The following GREM2 variants were observed in gnomAD, a reference collection of about 807,000 sequenced individuals.
GREM2 encodes gremlin 2, DAN family BMP antagonist.
In GREM2, 11 loss-of-function variants were observed where a neutral mutation model predicts 14.2. That is an observed-to-expected ratio of 0.78 (90% confidence interval 0.49 to 1.28). The LOEUF (loss-of-function observed/expected upper bound fraction) is 1.28. GREM2 is among the 50% of genes most tolerant of loss of function. The probability of loss-of-function intolerance (pLI) is 0.00; values close to 1 mark genes in which losing one functional copy is unlikely to be tolerated. For missense variants in GREM2, 210 were observed against 218.5 expected (o/e 0.96, Z 0.24); for synonymous variants, 98 against 97.6 (o/e 1.00, Z -0.02).
chr1:240,552,669 C>T (rs1201245058), intron 1 of GREM2, among the ~76,000 whole-genome samples: 1 of 152,170 alleles, frequency 6.6e-6, no homozygotes, highest in Admixed American at 6.5e-5. Context: ...GTCTTGCAGA[C>T]CTGCTGTCTA....
intron 1 of GREM2, among the ~76,000 whole-genome samples, chr1:240,587,004 C>T: frequency 6.6e-6 from 1 of 152,134 alleles, no homozygotes; most frequent in Admixed American, 6.6e-5. Context: ...ACATTATAGA[C>T]ATTTCTGGAT....
chr1:240,510,226 C>G (rs977522489), intron 1 of GREM2, among the ~76,000 whole-genome samples: 1 of 151,672 alleles, frequency 6.6e-6, no homozygotes, highest in East Asian at 1.9e-4. Flanking sequence ...AGAAATGAGC[C>G]GGGCGTGGTG....
At chr1:240,582,853 CA>C (rs1679517433) in intron 1 of GREM2, among the ~76,000 whole-genome samples, 1 of 151,022 alleles carries the variant, frequency 6.6e-6, no homozygotes, top group Non-Finnish European at 1.5e-5. Flanking sequence ...ATCCAAGGAA[CA>C]AAATTTTTTT....
chr1:240,521,344 G>T (rs940931384), intron 1 of GREM2, among the ~76,000 whole-genome samples: 3 of 152,046 alleles, frequency 2.0e-5, no homozygotes, highest in Admixed American at 6.5e-5. Context: ...CGAAGTGGGC[G>T]GATCACGAGG....
intron 1 of GREM2, among the ~76,000 whole-genome samples, chr1:240,594,819 A>G (rs1296155545): frequency 1.3e-5 from 2 of 152,134 alleles, no homozygotes; most frequent in East Asian, 1.9e-4. Context: ...CGAGCATCAT[A>G]GAGCATACTT....
In GREM2 at chr1:240,498,766, C is replaced by CA. The variant is rs540230116; in HGVS notation, c.-1-5291dup. ...ATGTTGCCACCCCTGCCGGTAACGACAGCACGAGGATACTTCATTTTATTC... is the reference window on the plus strand; with the variant it reads ...ATGTTGCCACCCCTGCCGGTAACGACAAGCACGAGGATACTTCATTTTATTC... On this transcript the variant is annotated intron_variant, in intron 1 of 1. Transcript: ENST00000318160. Among the ~76,000 whole-genome samples the CA allele has an allele frequency of 7.7e-4, 118 of 152,374 alleles. 2 individuals carry two copies. In the South Asian group the frequency reaches 0.022, roughly 29 times the overall value.
chr1:240,497,650 A>G (rs12133912), intron 1 of GREM2, among the ~76,000 whole-genome samples: 42,974 of 141,240 alleles, frequency 0.3, 7,570 homozygotes, highest in East Asian at 0.44. Context: ...AGAAAAAAAA[A>G]GTTTTTTTTT....
At chr1:240,565,213 A>G (rs1277578608) in intron 1 of GREM2, among the ~76,000 whole-genome samples, 1 of 152,164 alleles carries the variant, frequency 6.6e-6, no homozygotes, top group African/African-American at 2.4e-5. Flanking sequence ...TATCATTATT[A>G]CACCTTTTCT....
At chr1:240,573,925 G>C (rs1356886503) in intron 1 of GREM2, among the ~76,000 whole-genome samples, 2 of 151,960 alleles carry the variant, frequency 1.3e-5, no homozygotes, top group African/African-American at 4.8e-5. Context: ...AGATAGGTTT[G>C]TTTTGTTTTG....
At chr1:240,547,896 A>G (rs1204925455) in intron 1 of GREM2, among the ~76,000 whole-genome samples, 1 of 152,040 alleles carries the variant, frequency 6.6e-6, no homozygotes, top group African/African-American at 2.4e-5. Flanking sequence ...AAGTAAATGC[A>G]TGAGAGAATA....
At chr1:240,554,625 T>A (rs958769587) in intron 1 of GREM2, among the ~76,000 whole-genome samples, 1 of 152,202 alleles carries the variant, frequency 6.6e-6, no homozygotes, top group Non-Finnish European at 1.5e-5. Flanking sequence ...CCAGCAATTA[T>A]TAAATCGTTA....
intron 1 of GREM2, among the ~76,000 whole-genome samples, chr1:240,605,024 T>C (rs1679999551): frequency 6.6e-6 from 1 of 152,202 alleles, no homozygotes; most frequent in African/African-American, 2.4e-5. Context: ...CTCCTTCCTT[T>C]GTTCTCCTCT....
intron 1 of GREM2, among the ~76,000 whole-genome samples, chr1:240,598,230 C>T (rs1176201606): frequency 1.3e-5 from 2 of 152,158 alleles, no homozygotes; most frequent in Admixed American, 6.5e-5. Context: ...TTCTTGTTGT[C>T]GTTAAAGGGA....
rs557047842 is a variant in GREM2 at position 240,520,448 on chromosome 1, T to C, written c.-1-26972A>G. On this transcript the variant is annotated intron_variant, in intron 1 of 1. Coordinates refer to ENST00000318160, the MANE Select transcript of GREM2 (RefSeq NM_022469.4). ...AGTGTGAGTGGACTCTGCTCATAGA[T>C]AAGTTACCTTGAGGAACAAGACTGA... is the stretch of plus-strand genomic sequence containing the variant. 2.0e-5 allele frequency among the ~76,000 whole-genome samples: 3 copies of C among 152,384 alleles called. No homozygotes were observed. The East Asian group carries it at 5.8e-4, about 29-fold the overall frequency.
At chr1:240,529,370 T>C (rs1234080177) in intron 1 of GREM2, among the ~76,000 whole-genome samples, 1 of 151,968 alleles carries the variant, frequency 6.6e-6, no homozygotes, top group Non-Finnish European at 1.5e-5. Context: ...TTGGAACCAT[T>C]TGAATGAACA....
chr1:240,525,784 C>T lies in GREM2; in HGVS notation c.-1-32308G>A, dbSNP rs552957554. Among the ~76,000 whole-genome samples, 6 of 152,276 alleles carry T rather than the reference C, an allele frequency of 3.9e-5. No individual in the cohort carries two copies. The South Asian group carries it at 1.2e-3, about 32-fold the overall frequency. ...GTGAGCCACCGCGCCCAGTTCTAAT[C>T]TTACTATCTTAGAGTTCTGTCGGTT... On this transcript the variant is annotated intron_variant, in intron 1 of 1. Transcript: ENST00000318160.
At chr1:240,500,836 C>T (rs895421992) in intron 1 of GREM2, among the ~76,000 whole-genome samples, 15 of 152,126 alleles carry the variant, frequency 9.9e-5, no homozygotes, top group Non-Finnish European at 1.9e-4. Flanking sequence ...TTTATTTATG[C>T]CCATCTGTTA....
chr1:240,494,895 C>T (rs368218845), intron 1 of GREM2, among the ~76,000 whole-genome samples: 63 of 151,804 alleles, frequency 4.2e-4, no homozygotes, highest in African/African-American at 1.3e-3. Flanking sequence ...AGTGAGACTC[C>T]GGCTCAGAAA....
Position 240,543,954 on chromosome 1 carries a change from A to G in GREM2, c.-1-50478T>C, listed in dbSNP as rs1345309394. On this transcript the variant is annotated intron_variant, in intron 1 of 1. Transcript: ENST00000318160. This position sits in a 1 kb window ranked among gnomAD's most constrained non-coding sequence, Gnocchi z 6.4. ...TGTGGGTTCCACATTCATGGGTTCA[A>G]CCAACCTCAGATCAAAAATATTAAG... Among the ~76,000 whole-genome samples, 1 of 152,186 alleles carries G rather than the reference A, an allele frequency of 6.6e-6. No homozygotes were observed. The highest frequency in any genetic ancestry group is 2.4e-5 in the African/African-American group (1 of 41,436).
Sources: allele counts gnomAD v4.1 joint callset (sites outside exome capture counted in the v4.1 genomes callset), GRCh38; gene constraint gnomAD v4.1.1; non-coding constraint Gnocchi (gnomAD v3.1); transcripts MANE v1.5; gene names NCBI Gene and HGNC (gene_info 2026-07-23, HGNC 2026-07-21).